TAX1BP1: variants seen among roughly 807,000 people sequenced by gnomAD.
TAX1BP1 encodes Tax1 binding protein 1.
TAX1BP1 carries 62 observed loss-of-function variants against 97.7 expected under a neutral mutation model. That is an observed-to-expected ratio of 0.63 (90% CI 0.52 to 0.78). The LOEUF is 0.78. Among genes scored for constraint, TAX1BP1 ranks in the 30% least tolerant of loss-of-function variants. TAX1BP1 has a pLI of 0.00. For synonymous variants in TAX1BP1, 340 were observed against 304.2 expected (o/e 1.12, Z -1.23); for missense variants, 867 against 916.1 (o/e 0.95, Z 0.69).
At chr7:27,815,093 G>GT (rs1790717518) in intron 13 of TAX1BP1, among the ~76,000 whole-genome samples, 1 of 152,032 alleles carries the variant, frequency 6.6e-6, no homozygotes, top group Admixed American at 6.6e-5. Flanking sequence ...TCATACCATT[G>GT]TGAATAAAGA....
At chr7:27,804,249 G>A (rs1790251559) in intron 13 of TAX1BP1, among the ~76,000 whole-genome samples, 1 of 152,212 alleles carries the variant, frequency 6.6e-6, no homozygotes, top group Non-Finnish European at 1.5e-5. Context: ...ACAAAATCAT[G>A]TATCATAAAA....
intron 2 of TAX1BP1, among the ~76,000 whole-genome samples, chr7:27,755,584 A>C (rs1371457949): frequency 6.6e-6 from 1 of 152,182 alleles, no homozygotes. Context: ...TGTTTTTCTG[A>C]AATGTTAATC....
At chr7:27,762,110 G>A (rs1788450499) in intron 3 of TAX1BP1, among the ~76,000 whole-genome samples, 1 of 152,142 alleles carries the variant, frequency 6.6e-6, no homozygotes, top group South Asian at 2.1e-4. Flanking sequence ...CATGGAACTT[G>A]CATATATAAA....
intron 1 of TAX1BP1, among the ~76,000 whole-genome samples, chr7:27,746,986 G>C (rs945065509): frequency 9.2e-5 from 14 of 152,210 alleles, no homozygotes; most frequent in African/African-American, 3.4e-4. Context: ...AAAGCACACT[G>C]TTTTAGATCT....
At chr7:27,801,057 T>TCATG (rs1252570809) in intron 13 of TAX1BP1, among the ~76,000 whole-genome samples, 1 of 136,502 alleles carries the variant, frequency 7.3e-6, no homozygotes, top group African/African-American at 2.8e-5. Flanking sequence ...TGAGCCAAGA[T>TCATG]CATGCCATTG....
intron 5 of TAX1BP1, among the ~76,000 whole-genome samples, chr7:27,773,376 A>G (rs139090293): frequency 6.6e-6 from 1 of 152,096 alleles, no homozygotes; most frequent in East Asian, 1.9e-4. Context: ...TGCAACCATT[A>G]CCATAGTCTA....
chr7:27,797,068 G>C (rs2128319331), intron 12 of TAX1BP1, among the ~76,000 whole-genome samples: 1 of 151,368 alleles, frequency 6.6e-6, no homozygotes, highest in South Asian at 2.1e-4. Flanking sequence ...CGTGATCTCA[G>C]CTCACTGCAA....
At chr7:27,801,146 G>T (rs548945216) in intron 13 of TAX1BP1, among the ~76,000 whole-genome samples, 1 of 148,384 alleles carries the variant, frequency 6.7e-6, no homozygotes, top group South Asian at 2.1e-4. Context: ...AAAAAAACAG[G>T]CTGTCCAGCT....
rs575515207 is a variant in TAX1BP1, at chr7:27,741,499, C to CTT, written c.-8+1244_-8+1245dup. On this transcript the variant is annotated intron_variant, in intron 1 of 16. Coordinates refer to ENST00000396319, the MANE Select transcript of TAX1BP1 (RefSeq NM_006024.7). ...GTTTTTGTTTTCTAGTCATCACGTT[C>CTT]TTTTTTTTTTTTTTTCCTTGAGATG... 8.4e-5 allele frequency among the ~76,000 whole-genome samples: 12 copies of CTT among 142,612 alleles called. No homozygotes were observed. In the South Asian group the frequency reaches 2.0e-3, roughly 24 times the overall value. The allele number at this position is 142,612 out of a possible 152,430, so 93.6% of individuals were successfully genotyped here. A position where few individuals can be genotyped will look rare whatever the true frequency, so the allele number is the denominator to read the frequency against.
intron 7 of TAX1BP1, 125 bp from the exon 8 acceptor site, chr7:27,787,293 C>T (rs1789526027): frequency 1.2e-6 from 1 of 823,254 alleles, no homozygotes; most frequent in African/African-American, 1.8e-5. Flanking sequence ...TCTCCTAAAT[C>T]CTAGTCTAGT....
rs770850606 is a variant in TAX1BP1, at chr7:27,769,675, G to A, written c.454-1G>A. On this transcript the variant is annotated splice_acceptor_variant, in intron 4 of 16. Transcript: ENST00000396319. LOFTEE classifies it high-confidence loss of function. ...ATTAATCTGAGTTTTTTGCTTTATA[G>A]TTGAAAATTGAGAAAACCATGAAAG... 3.3e-5 allele frequency: 52 copies of A among 1,599,786 alleles called. No homozygotes were observed. Among genetic ancestry groups the A allele is most frequent in the Non-Finnish European group, 4.4e-5 (52 of 1,175,128 alleles).
chr7:27,762,079 C>G (rs1788449469), intron 3 of TAX1BP1, among the ~76,000 whole-genome samples: 1 of 152,092 alleles, frequency 6.6e-6, no homozygotes, highest in South Asian at 2.1e-4. Flanking sequence ...TTGGTCTAAA[C>G]ATTAATTGGC....
At chr7:27,764,146 A>G (rs1054572596) in intron 3 of TAX1BP1, among the ~76,000 whole-genome samples, 3 of 152,248 alleles carry the variant, frequency 2.0e-5, no homozygotes, top group Non-Finnish European at 4.4e-5. Flanking sequence ...CCAATAGTTT[A>G]ACAGTGGTAC....
chr7:27,778,660 C>T (rs7796790), intron 5 of TAX1BP1, among the ~76,000 whole-genome samples: 2,341 of 151,796 alleles, frequency 0.015, 56 homozygotes, highest in African/African-American at 0.054. Flanking sequence ...GTCAAGAGAT[C>T]GAGACCATCC....
At chr7:27,827,049 G>A (rs904198668) in intron 15 of TAX1BP1, among the ~76,000 whole-genome samples, 1 of 152,120 alleles carries the variant, frequency 6.6e-6, no homozygotes, top group Non-Finnish European at 1.5e-5. Flanking sequence ...CAATAATGCA[G>A]TCTGACAGTA....
At chr7:27,755,558 C>A (rs909414430) in intron 2 of TAX1BP1, among the ~76,000 whole-genome samples, 2 of 152,150 alleles carry the variant, frequency 1.3e-5, no homozygotes, top group Admixed American at 6.5e-5. Context: ...CCTTTATGAT[C>A]AAAACTTATC....
At chr7:27,772,710 T>A (rs1193237805) in intron 5 of TAX1BP1, among the ~76,000 whole-genome samples, 4 of 152,096 alleles carry the variant, frequency 2.6e-5, no homozygotes, top group Non-Finnish European at 5.9e-5. Flanking sequence ...GAATTGGATA[T>A]GTTGGGATTA....
intron 13 of TAX1BP1, among the ~76,000 whole-genome samples, chr7:27,802,069 G>A (rs915142646): frequency 8.5e-5 from 13 of 152,146 alleles, no homozygotes; most frequent in African/African-American, 2.7e-4. Flanking sequence ...GAAGTGGAGC[G>A]CGTAGTCTGC....
intron 13 of TAX1BP1, among the ~76,000 whole-genome samples, chr7:27,815,620 A>G (rs1790736708): frequency 6.6e-6 from 1 of 152,204 alleles, no homozygotes; most frequent in Non-Finnish European, 1.5e-5. Context: ...TTTTGGTATC[A>G]GAATAATACT....
Sources: gnomAD v4.1 joint callset for allele counts (sites outside exome capture counted in the v4.1 genomes callset) on GRCh38, gnomAD v4.1.1 for gene constraint, MANE v1.5 for transcripts, NCBI Gene and HGNC (gene_info 2026-07-23, HGNC 2026-07-21) for gene names.